The following SMYD2 variants were observed in gnomAD, a reference collection of about 807,000 sequenced individuals.
SMYD2 encodes N-lysine methyltransferase SMYD2.
In SMYD2, 53 loss-of-function variants were observed where a neutral mutation model predicts 59.1. That is an observed-to-expected ratio of 0.90 (90% CI 0.72 to 1.13). The LOEUF (loss-of-function observed/expected upper bound fraction) is 1.13. SMYD2 is among the 50% of genes most tolerant of loss of function. The probability of loss-of-function intolerance (pLI) is 0.00; values close to 1 mark genes in which losing one functional copy is unlikely to be tolerated. For synonymous variants in SMYD2, 208 were observed against 198.8 expected (o/e 1.05, Z -0.39); for missense variants, 494 against 544.7 (o/e 0.91, Z 0.93).
intron 2 of SMYD2, among the ~76,000 whole-genome samples, chr1:214,313,991 A>T (rs1657040493): frequency 1.3e-5 from 2 of 152,154 alleles, no homozygotes; most frequent in South Asian, 4.1e-4. Flanking sequence ...ATCCTGGCCA[A>T]CATCTTGAAA....
At chr1:214,324,241 T>C (rs955885521) in intron 5 of SMYD2, among the ~76,000 whole-genome samples, 5 of 152,200 alleles carry the variant, frequency 3.3e-5, no homozygotes, top group African/African-American at 1.2e-4. Flanking sequence ...CCAGCCAGAT[T>C]GATTCTTTTC....
intron 5 of SMYD2, 125 bp downstream of exon 5, chr1:214,319,108 T>C: frequency 1.6e-6 from 2 of 1,275,884 alleles, no homozygotes; most frequent in East Asian, 2.4e-5. Context: ...AACGAAGCTC[T>C]GAGCCAATTG....
chr1:214,336,304 G>A (rs1397503903), intron 11 of SMYD2, among the ~76,000 whole-genome samples: 2 of 151,982 alleles, frequency 1.3e-5, no homozygotes, highest in African/African-American at 4.8e-5. Context: ...AGGCCAAGGC[G>A]GGCGGATCAC....
Position 214,314,800 on chromosome 1 carries a change from C to T in SMYD2, c.276C>T (p.Pro92=), listed in dbSNP as rs750681454. 1.9e-6 allele frequency: 3 copies of T among 1,614,118 alleles called. No individual in the cohort carries two copies. Among genetic ancestry groups the T allele is most frequent in the Admixed American group, 1.7e-5 (1 of 60,022 alleles). ...CCATGCACAAGCTGGAATGTTCTCCCATGGTTGTTTTTGGGGAAAACTGGA... is the reference window on the plus strand; with the variant it reads ...CCATGCACAAGCTGGAATGTTCTCCTATGGTTGTTTTTGGGGAAAACTGGA... ...DWPMHKLECS[P]MVVFGENWNP... The change falls in exon 3 of 12, where the codon CCC becomes CCT. Residue 92 remains proline (P), a synonymous_variant. Transcript: ENST00000366957.
intron 1 of SMYD2, among the ~76,000 whole-genome samples, chr1:214,295,508 C>T (rs1448118301): frequency 6.6e-6 from 1 of 152,184 alleles, no homozygotes; most frequent in Non-Finnish European, 1.5e-5. Flanking sequence ...CCACCAAGCC[C>T]AGCTTCCTCC....
At chr1:214,302,381 G>A (rs912175910) in intron 1 of SMYD2, among the ~76,000 whole-genome samples, 3 of 151,256 alleles carry the variant, frequency 2.0e-5, no homozygotes, top group African/African-American at 4.9e-5. Flanking sequence ...TTTGATTTAC[G>A]CTTAGGCATC....
chr1:214,293,738 G>A (rs141918955), intron 1 of SMYD2, among the ~76,000 whole-genome samples: 11,486 of 151,936 alleles, frequency 0.076, 485 homozygotes, highest in South Asian at 0.2. Flanking sequence ...GTGCAATGGC[G>A]CGATCTCGGC....
At chr1:214,286,522 A>G (rs1265753563) in intron 1 of SMYD2, among the ~76,000 whole-genome samples, 2 of 151,908 alleles carry the variant, frequency 1.3e-5, no homozygotes, top group Non-Finnish European at 2.9e-5. Context: ...TGTAATCCCA[A>G]CACTCTGGGA....
At chr1:214,336,643 T>C (rs2102482624) in intron 11 of SMYD2, 61 bp from the exon 12 acceptor site, 1 of 1,500,184 alleles carries the variant, frequency 6.7e-7, no homozygotes, top group Non-Finnish European at 9.2e-7. Context: ...AAAGTTACCC[T>C]GGGTGGAGGT....
At chr1:214,329,150 A>G (rs896274854) in intron 7 of SMYD2, among the ~76,000 whole-genome samples, 11 of 152,146 alleles carry the variant, frequency 7.2e-5, no homozygotes, top group Admixed American at 7.2e-4. Flanking sequence ...AAACGCAGTA[A>G]CCTCATTTTT....
In SMYD2 at chr1:214,318,380, C is replaced by G. The variant is rs1657119309; in HGVS notation, c.409+241C>G. 6.6e-6 allele frequency among the ~76,000 whole-genome samples: 1 copy of G among 152,156 alleles called. No homozygotes were observed. Among genetic ancestry groups the G allele is most frequent in the Admixed American group, 6.5e-5 (1 of 15,280 alleles). ...GGAGCTCCCAAAATGAATTATTGCA[C>G]CCTGAGCTACCTCCTGCTGGCCCTC... On this transcript the variant is annotated intron_variant, in intron 4 of 11. Transcript: ENST00000366957. The surrounding 1 kb of genome is among the most constrained non-coding windows in gnomAD (Gnocchi z 5.4).
Position 214,322,576 on chromosome 1 carries a change from A to T in SMYD2, c.535-2065A>T, listed in dbSNP as rs139059189. Among the ~76,000 whole-genome samples the T allele has an allele frequency of 9.5e-4, 145 of 152,324 alleles. 1 individual carries two copies. The highest frequency in any genetic ancestry group is 6.8e-3 in the Middle Eastern group (2 of 294). ...CATCATATAGCTCTTATTGCTTTGT[A>T]TACCAAGATTTTCAAGCCCCTGCGT... On this transcript the variant is annotated intron_variant, in intron 5 of 11. Coordinates refer to ENST00000366957, the MANE Select transcript of SMYD2 (RefSeq NM_020197.3).
intron 1 of SMYD2, among the ~76,000 whole-genome samples, chr1:214,303,903 C>T (rs1414190483): frequency 6.6e-6 from 1 of 152,232 alleles, no homozygotes; most frequent in Non-Finnish European, 1.5e-5. Context: ...CTCCACAAGT[C>T]CAGAAGCTGG....
chr1:214,332,052 C>T lies in SMYD2; in HGVS notation c.972C>T (p.Ser324=). ...AGCTGCTGGAGATCTGCGAGCTCAG[C>T]CAGGAGAAGATGAGCTCTGTGTTTG... The part of the protein sequence containing the change: ...PSELLEICEL[S]QEKMSSVFED... Residue 324 remains serine (S), a synonymous_variant, in exon 10 of 12, where the codon AGC becomes AGT. Transcript: ENST00000366957. The T allele has an allele frequency of 6.2e-7, 1 of 1,613,812 alleles. No homozygotes were observed. Among genetic ancestry groups the T allele is most frequent in the South Asian group, 1.1e-5 (1 of 91,056 alleles).
chr1:214,324,849 C>A, intron 6 of SMYD2, 141 bp downstream of exon 6: 1 of 723,442 alleles, frequency 1.4e-6, no homozygotes, highest in Non-Finnish European at 2.3e-6. Context: ...TTTAATCTGC[C>A]AGATTTCAAA....
intron 10 of SMYD2, 31 bp downstream of exon 10, chr1:214,332,223 G>T (rs775365591): frequency 1.9e-6 from 3 of 1,608,824 alleles, no homozygotes; most frequent in Non-Finnish European, 2.5e-6. Flanking sequence ...AATCATCCAC[G>T]GAGTGGAATT....
At chr1:214,331,179 A>T in intron 9 of SMYD2, 109 bp downstream of exon 9, 1 of 1,496,808 alleles carries the variant, frequency 6.7e-7, no homozygotes, top group South Asian at 1.3e-5. Context: ...CTGAAAACCA[A>T]AGGAGGAATG....
At position 214,336,922 on chromosome 1, in the gene SMYD2, G is replaced by T. The variant is rs1571937992; in HGVS notation, c.*138G>T. 2.3e-5 allele frequency: 15 copies of T among 666,258 alleles called. No homozygotes were observed. The East Asian group carries it at 4.7e-4, about 21-fold the overall frequency. The allele number at this position is 666,258 out of a possible 1,614,324, so 41.3% of individuals were successfully genotyped here. A position where few individuals can be genotyped will look rare whatever the true frequency, so the allele number is the denominator to read the frequency against. On this transcript the variant is annotated 3_prime_UTR_variant, in exon 12 of 12. Coordinates refer to ENST00000366957, the MANE Select transcript of SMYD2 (RefSeq NM_020197.3). ...AAAATACTTCTTGCACTTAAACACT[G>T]CACATGCCGTACTTTGAGGTTAGTC...
rs374778875 is a variant in SMYD2 at position 214,330,165 on chromosome 1, T to C, written c.706-3T>C. 2.5e-6 allele frequency: 4 copies of C among 1,594,426 alleles called. No homozygotes were observed. Among genetic ancestry groups the C allele is most frequent in the Middle Eastern group, 1.7e-4 (1 of 6,000 alleles). Reference sequence around the variant, plus strand: ...TGAAGCTTTATCTTTTTGGACCCCGTAGGTTTTTACCAGCTATATTGATCT... The same window carrying C: ...TGAAGCTTTATCTTTTTGGACCCCGCAGGTTTTTACCAGCTATATTGATCT... On this transcript the variant is annotated splice_polypyrimidine_tract_variant and splice_region_variant and intron_variant, in intron 7 of 11. Transcript: ENST00000366957.
Sources: gnomAD v4.1 joint callset for allele counts (sites outside exome capture counted in the v4.1 genomes callset) on GRCh38, gnomAD v4.1.1 for gene constraint, Gnocchi (gnomAD v3.1) non-coding constraint, MANE v1.5 for transcripts, NCBI Gene and HGNC (gene_info 2026-07-23, HGNC 2026-07-21) for gene names.